The following UROC1 variants were observed in gnomAD, a reference collection of about 807,000 sequenced individuals.
UROC1 encodes urocanate hydratase.
UROC1 carries 79 observed loss-of-function variants against 89.5 expected under a neutral mutation model. The ratio of observed to expected loss-of-function variants is 0.88; its 90% confidence interval spans 0.74 to 1.06. UROC1 has a LOEUF of 1.06. UROC1 is among the 50% of genes least tolerant of loss of function. The probability of loss-of-function intolerance (pLI) is 0.00; values close to 1 mark genes in which losing one functional copy is unlikely to be tolerated. For missense variants in UROC1, 885 were observed against 907.8 expected, an observed-to-expected ratio of 0.97 and a Z score of 0.32; for synonymous variants, 361 against 354.8, an observed-to-expected ratio of 1.02 and a Z score of -0.20.
chr3:126,490,446 G>T (rs1284002304), intron 16 of UROC1, among the ~76,000 whole-genome samples: 1 of 152,164 alleles, frequency 6.6e-6, no homozygotes, highest in Non-Finnish European at 1.5e-5. Context: ...TAACACTTCG[G>T]GAGGCCAAGG....
intron 8 of UROC1, among the ~76,000 whole-genome samples, chr3:126,505,412 A>G (rs1486566294): frequency 1.3e-5 from 2 of 152,174 alleles, no homozygotes; most frequent in Non-Finnish European, 2.9e-5. Context: ...CAGGAAAGCT[A>G]TACCCATAAA....
At chr3:126,493,745 C>T (rs191536106) in intron 15 of UROC1, among the ~76,000 whole-genome samples, 146 of 152,270 alleles carry the variant, frequency 9.6e-4, no homozygotes, top group African/African-American at 3.3e-3. Flanking sequence ...GTAAATTTTA[C>T]GTTTATGTAT....
intron 9 of UROC1, among the ~76,000 whole-genome samples, chr3:126,502,651 C>T (rs1042845589): frequency 6.2e-5 from 9 of 146,232 alleles, no homozygotes; most frequent in African/African-American, 2.3e-4. Context: ...TGTGTGCACT[C>T]TGTGTGTGCC....
At chr3:126,503,365 G>A (rs1935980667) in intron 9 of UROC1, among the ~76,000 whole-genome samples, 5 of 152,352 alleles carry the variant, frequency 3.3e-5, no homozygotes, top group South Asian at 4.1e-4. Flanking sequence ...TCTGCTCTGG[G>A]CAGTAAATTA....
At chr3:126,503,698 C>G (rs1341968320) in intron 9 of UROC1, among the ~76,000 whole-genome samples, 1 of 152,254 alleles carries the variant, frequency 6.6e-6, no homozygotes, top group Non-Finnish European at 1.5e-5. Context: ...TGAAGCCCAT[C>G]AAGGCCAAGT....
intron 18 of UROC1, among the ~76,000 whole-genome samples, chr3:126,487,972 G>A (rs1480407724): frequency 6.6e-6 from 1 of 152,208 alleles, no homozygotes; most frequent in Non-Finnish European, 1.5e-5. Flanking sequence ...AGACCCATGT[G>A]GCAGGGGAGA....
chr3:126,502,528 T>C (rs986044030), intron 9 of UROC1, among the ~76,000 whole-genome samples: 8 of 151,744 alleles, frequency 5.3e-5, no homozygotes, highest in Non-Finnish European at 1.2e-4. Flanking sequence ...GTGTGTTATG[T>C]CTGTATTTAT....
intron 17 of UROC1, 23 bp downstream of exon 17, chr3:126,489,253 T>C (rs566626500): frequency 6.3e-7 from 1 of 1,584,040 alleles, no homozygotes; most frequent in Admixed American, 1.7e-5. Context: ...GATGAAAGTT[T>C]AAGACATTCT....
chr3:126,489,206 A>T (rs1360028304), intron 17 of UROC1, 70 bp downstream of exon 17: 2 of 1,418,228 alleles, frequency 1.4e-6, no homozygotes, highest in Non-Finnish European at 2.0e-6. Context: ...ATTGTGACTG[A>T]CTAAATGCAT....
chr3:126,499,409 C>A lies in UROC1; in HGVS notation c.1244G>T (p.Gly415Val). The part of the protein sequence containing the change: ...NAFLLEAQRA[G>V]ADVEKKGAGR... ...AGCACCTTTCTTCTCCACATCCGCT[C>A]CTGTGGGCAGAGCCCGGACAGTCAC... The change falls in exon 13 of 20, where the codon GGA becomes GTA. Residue 415 changes from glycine (G) to valine (V), a missense_variant and splice_region_variant. Coordinates refer to ENST00000290868, the MANE Select transcript of UROC1 (RefSeq NM_144639.3). 6.2e-7 allele frequency: 1 copy of A among 1,611,880 alleles called. No homozygotes were observed. The highest frequency in any genetic ancestry group is 8.5e-7 in the Non-Finnish European group (1 of 1,179,198).
At chr3:126,484,764 T>C (rs4679250) in intron 18 of UROC1, among the ~76,000 whole-genome samples, 5,185 of 152,242 alleles carry the variant, frequency 0.034, 98 homozygotes, top group Middle Eastern at 0.061. Flanking sequence ...TGGCCTGCAG[T>C]GGGTTGCCCT....
At chr3:126,504,454 TAG>T (rs1936008851) in intron 8 of UROC1, among the ~76,000 whole-genome samples, 1 of 152,018 alleles carries the variant, frequency 6.6e-6, no homozygotes, top group Non-Finnish European at 1.5e-5. Context: ...CCTGAAAAAA[TAG>T]AGTCATAGCA....
intron 15 of UROC1, 59 bp from the exon 16 acceptor site, chr3:126,492,575 G>A: frequency 7.2e-7 from 1 of 1,395,924 alleles, no homozygotes; most frequent in Non-Finnish European, 1.0e-6. Flanking sequence ...ACAGGACCTG[G>A]GGTGCAGGGA....
chr3:126,497,899 CCAGCTGAG>C, intron 14 of UROC1, 144 bp downstream of exon 14: 4 of 1,352,696 alleles, frequency 3.0e-6, no homozygotes, highest in Non-Finnish European at 4.1e-6. Context: ...CTTTGTGTTG[CCAGCTGAG>C]CACCCACCAG....
rs1935404944 is a variant in UROC1, at chr3:126,482,252, T to C, written c.*93A>G. ...CGTGAGGATGTGCGAGAAGTGCAGG[T>C]AGTGCGGGTGTGCAGGAAGGGTGTG... is the stretch of plus-strand genomic sequence containing the variant. On this transcript the variant is annotated 3_prime_UTR_variant, in exon 20 of 20. Coordinates refer to ENST00000290868, the MANE Select transcript of UROC1 (RefSeq NM_144639.3). 6.4e-7 allele frequency: 1 copy of C among 1,558,032 alleles called. No individual in the cohort carries two copies. The highest frequency in any genetic ancestry group is 1.4e-5 in the African/African-American group (1 of 73,956).
At chr3:126,517,478 C>T (rs1394832795) in intron 1 of UROC1, 116 bp downstream of exon 1, 28 of 1,535,662 alleles carry the variant, frequency 1.8e-5, no homozygotes, top group Non-Finnish European at 7.1e-6. Flanking sequence ...CCCTGGAGTC[C>T]AGGGTGGGCG....
At chr3:126,505,321 TTCA>T (rs1434408127) in intron 8 of UROC1, among the ~76,000 whole-genome samples, 1 of 152,142 alleles carries the variant, frequency 6.6e-6, no homozygotes, top group Non-Finnish European at 1.5e-5. Context: ...TCCCCACCTG[TTCA>T]AGGTGGGGAG....
chr3:126,507,720 A>G, intron 6 of UROC1, 22 bp downstream of exon 6: 1 of 1,613,376 alleles, frequency 6.2e-7, no homozygotes, highest in Non-Finnish European at 8.5e-7. Context: ...CACGGTGTAA[A>G]CAGACTGAAA....
Position 126,483,439 on chromosome 3 carries a change from A to C in UROC1, c.1820T>G (p.Leu607Arg). The change falls in exon 19 of 20, where the codon CTC (leucine) becomes CGC (arginine). Residue 607 changes from leucine (L) to arginine (R), a missense_variant. By Grantham distance (102) the Leu-to-Arg change is moderately radical (BLOSUM62 -2). Transcript: ENST00000290868. ...GGCCTCCGGGGTACCGTCCAGCACG[A>C]GGCCGAATCCCCCGTTGATCACCTC... Reference protein sequence around the residue: ...WGEVINGGFGLVLDGTPEAEG... With the variant: ...WGEVINGGFGRVLDGTPEAEG... The C allele has an allele frequency of 6.2e-7, 1 of 1,613,892 alleles. No individual in the cohort carries two copies. The highest frequency in any genetic ancestry group is 1.6e-4 in the Middle Eastern group (1 of 6,062).
Sources: gnomAD v4.1 joint callset for allele counts (sites outside exome capture counted in the v4.1 genomes callset) on GRCh38, gnomAD v4.1.1 for gene constraint, MANE v1.5 for transcripts, NCBI Gene and HGNC (gene_info 2026-07-23, HGNC 2026-07-21) for gene names.